EIF2AK1: variants seen among roughly 807,000 people sequenced by gnomAD.
EIF2AK1 encodes eukaryotic translation initiation factor 2 alpha kinase 1.
Under a neutral mutation model 77.9 loss-of-function variants are expected in EIF2AK1, and 54 were observed. The ratio of observed to expected loss-of-function variants is 0.69; its 90% CI spans 0.56 to 0.87. The LOEUF (loss-of-function observed/expected upper bound fraction) is 0.87, where lower values mean the gene tolerates loss of function less well. Among genes scored for constraint, EIF2AK1 ranks in the 40% least tolerant of loss-of-function variants. The pLI is 0.00. For missense variants in EIF2AK1, 810 were observed against 768.6 expected (o/e 1.05, Z -0.64); for synonymous variants, 314 against 290.5 (o/e 1.08, Z -0.82).
intron 2 of EIF2AK1, among the ~76,000 whole-genome samples, chr7:6,050,806 T>C (rs991358822): frequency 2.0e-5 from 3 of 151,910 alleles, no homozygotes; most frequent in Admixed American, 6.6e-5. Context: ...GGTTTCACTG[T>C]GTTAGCCAGG....
chr7:6,034,931 G>C (rs1409361263), intron 11 of EIF2AK1, among the ~76,000 whole-genome samples: 2 of 152,152 alleles, frequency 1.3e-5, no homozygotes, highest in African/African-American at 4.8e-5. Context: ...GGAGAGCAGA[G>C]ACAGAGCCTC....
rs780145663 is a variant in EIF2AK1 at position 6,023,900 on chromosome 7, A to C, written c.*773T>G. On this transcript the variant is annotated 3_prime_UTR_variant, in exon 15 of 15. Transcript: ENST00000199389. ...ATCTACCGTGATGACTGCCAACTCC[A>C]TGGCAGACCCTTTCTGGGATTCAAA... 1 of 1,503,722 alleles carries C rather than the reference A, an allele frequency of 6.7e-7. No homozygotes were observed. The highest frequency in any genetic ancestry group is 2.0e-5 in the Admixed American group (1 of 49,738). The allele number at this position is 1,503,722 out of a possible 1,614,324, so 93.1% of individuals were successfully genotyped here. A position where few individuals can be genotyped will look rare whatever the true frequency, so the allele number is the denominator to read the frequency against.
chr7:6,032,649 G>C lies in EIF2AK1; in HGVS notation c.1333-3617C>G, dbSNP rs1313025542. ...ATTTCTGTGAAACACAGATTTTATA[G>C]GATGGAATTCACTGAATTTTGATCA... On this transcript the variant is annotated intron_variant, in intron 11 of 14. Coordinates refer to ENST00000199389, the MANE Select transcript of EIF2AK1 (RefSeq NM_014413.4). The surrounding 1 kb of genome is among the most constrained non-coding windows in gnomAD (Gnocchi z 4.3). Among the ~76,000 whole-genome samples, 3 of 152,176 alleles carry C rather than the reference G, an allele frequency of 2.0e-5. No individual in the cohort carries two copies. Among genetic ancestry groups the C allele is most frequent in the Admixed American group, 2.0e-4 (3 of 15,270 alleles).
At chr7:6,054,780 T>C (rs1158176491) in intron 1 of EIF2AK1, 76 bp from the exon 2 acceptor site, 1 of 1,339,440 alleles carries the variant, frequency 7.5e-7, no homozygotes, top group African/African-American at 1.5e-5. Context: ...ATATTCTAAT[T>C]AATGAAACAT....
intron 7 of EIF2AK1, among the ~76,000 whole-genome samples, chr7:6,044,152 T>C (rs1005099486): frequency 6.6e-6 from 1 of 151,818 alleles, no homozygotes; most frequent in Non-Finnish European, 1.5e-5. Context: ...AATCTTCTGA[T>C]TTTGTTTAAC....
chr7:6,053,772 A>G, intron 2 of EIF2AK1, among the ~76,000 whole-genome samples: 1 of 150,830 alleles, frequency 6.6e-6, no homozygotes, highest in East Asian at 2.0e-4. Context: ...GGTTCAAGCA[A>G]TTCTCCTACC....
chr7:6,026,919 G>C lies in EIF2AK1; in HGVS notation c.1573C>G (p.Gln525Glu), dbSNP rs1055053406. ...CGCTCCATTTCTGTTCCAAACGGCT[G>C]AAAGAGCTCTAGCAGGACCACACCC... is the stretch of plus-strand genomic sequence containing the variant. ...SLGVVLLELFQPFGTEMERAE... is the reference protein window; with the variant it reads ...SLGVVLLELFEPFGTEMERAE... Residue 525 changes from glutamine (Q) to glutamate (E), a missense_variant, in exon 14 of 15, where the codon CAG (glutamine) becomes GAG (glutamate). This residue lies in a region of EIF2AK1 where 549 missense variants were observed against 533.7 expected (regional missense o/e 1.03). Coordinates refer to ENST00000199389, the MANE Select transcript of EIF2AK1 (RefSeq NM_014413.4). 6.2e-7 allele frequency: 1 copy of C among 1,614,066 alleles called. No individual in the cohort carries two copies.
intron 9 of EIF2AK1, among the ~76,000 whole-genome samples, chr7:6,040,430 G>T (rs1013058224): frequency 6.6e-6 from 1 of 152,072 alleles, no homozygotes; most frequent in African/African-American, 2.4e-5. Context: ...AAGGAGGGTT[G>T]TATCAGTATG....
rs930844129 is a variant in EIF2AK1 at position 6,033,550 on chromosome 7, T to C, written c.1332+3874A>G. 1.6e-4 allele frequency among the ~76,000 whole-genome samples: 24 copies of C among 152,108 alleles called. No individual in the cohort carries two copies. The highest frequency in any genetic ancestry group is 5.8e-4 in the African/African-American group (24 of 41,420). ...AATAAGTTTAACCACCAAAGTTAGG[T>C]GTGAAAAATAAAATATAGGTAGACA... On this transcript the variant is annotated intron_variant, in intron 11 of 14. Coordinates refer to ENST00000199389, the MANE Select transcript of EIF2AK1 (RefSeq NM_014413.4). This position sits in a 1 kb window ranked among gnomAD's most constrained non-coding sequence, Gnocchi z 4.4.
intron 6 of EIF2AK1, among the ~76,000 whole-genome samples, chr7:6,045,802 G>A (rs532530490): frequency 3.4e-4 from 51 of 150,050 alleles, no homozygotes; most frequent in Middle Eastern, 3.5e-3. Flanking sequence ...CTACTTGGGA[G>A]GAAGGAGAAT....
chr7:6,034,668 G>A (rs545536624), intron 11 of EIF2AK1, among the ~76,000 whole-genome samples: 4 of 152,192 alleles, frequency 2.6e-5, no homozygotes, highest in African/African-American at 4.8e-5. Flanking sequence ...AGGGCCTCAC[G>A]CTAAACAAAT....
At chr7:6,028,821 C>T (rs1476187972) in intron 12 of EIF2AK1, 97 bp downstream of exon 12, 6 of 1,401,062 alleles carry the variant, frequency 4.3e-6, no homozygotes, top group Non-Finnish European at 6.0e-6. Flanking sequence ...TTTATCTTAC[C>T]TTTGCTATTA....
chr7:6,037,876 G>C (rs925391400), intron 10 of EIF2AK1, among the ~76,000 whole-genome samples: 2 of 151,404 alleles, frequency 1.3e-5, no homozygotes, highest in African/African-American at 2.4e-5. Flanking sequence ...TTGAACCCTT[G>C]ACATTCTGGG....
rs1227751870 is a variant in EIF2AK1 at position 6,037,453 on chromosome 7, T to A, written c.1303A>T (p.Asn435Tyr). 6.2e-7 allele frequency: 1 copy of A among 1,613,232 alleles called. No individual in the cohort carries two copies. Among genetic ancestry groups the A allele is most frequent in the Non-Finnish European group, 8.5e-7 (1 of 1,179,494 alleles). ...AGATCTCGGTGCACAATTCCCATGT[T>A]ATGTATGTAAAACACACCTTCTACC... ...ELVEGVFYIH[N>Y]MGIVHRDLKP... The change falls in exon 11 of 15, where the codon AAC becomes TAC. Residue 435 changes from asparagine (N) to tyrosine (Y), a missense_variant. Physicochemically the swap from Asn to Tyr is moderately radical, Grantham distance 143 (BLOSUM62 -2). Transcript: ENST00000199389.
At chr7:6,031,445 C>T (rs1050376510) in intron 11 of EIF2AK1, 1 of 1,550,722 alleles carries the variant, frequency 6.4e-7, no homozygotes. Context: ...GGAAGATGGC[C>T]CATCTGCAGC....
At position 6,035,860 on chromosome 7, in the gene EIF2AK1, G is replaced by A; in HGVS notation, c.1332+1564C>T. On this transcript the variant is annotated intron_variant, in intron 11 of 14. Transcript: ENST00000199389. This position sits in a 1 kb window ranked among gnomAD's most constrained non-coding sequence, Gnocchi z 5.5. Reference sequence around the variant, plus strand: ...AACACGCCCCTGAAGCTTGCAGTGTGCACTGCATCAAGCAAAGCAGGCCGA... The same window carrying A: ...AACACGCCCCTGAAGCTTGCAGTGTACACTGCATCAAGCAAAGCAGGCCGA... The A allele has an allele frequency of 2.6e-6, 4 of 1,548,058 alleles. No individual in the cohort carries two copies. Among genetic ancestry groups the A allele is most frequent in the South Asian group, 2.4e-5 (2 of 83,710 alleles).
At position 6,033,367 on chromosome 7, in the gene EIF2AK1, T is replaced by C. The variant is rs1787972745; in HGVS notation, c.1332+4057A>G. Among the ~76,000 whole-genome samples, 1 of 152,202 alleles carries C rather than the reference T, an allele frequency of 6.6e-6. No individual in the cohort carries two copies. The highest frequency in any genetic ancestry group is 6.5e-5 in the Admixed American group (1 of 15,276). On this transcript the variant is annotated intron_variant, in intron 11 of 14. Coordinates refer to ENST00000199389, the MANE Select transcript of EIF2AK1 (RefSeq NM_014413.4). The surrounding 1 kb of genome is among the most constrained non-coding windows in gnomAD (Gnocchi z 4.4). ...TTATGTTTGGACTTGTTCGTTCTTA[T>C]GAATGAACCAATGTCTTTACTGAGT...
rs1788340348 is a variant in EIF2AK1, at chr7:6,042,988, T to C, written c.736A>G (p.Arg246Gly). ...AGAGATGGCAACTCAATGGCAGCTC[T>C]GTCTGCTGAATGAAAACAAACAACA... The part of the protein sequence containing the change: ...HVHVIQPRAD[R>G]AAIELPSLEV... The change falls in exon 8 of 15, where the codon AGA becomes GGA. Residue 246 changes from arginine (R) to glycine (G), a missense_variant. Coordinates refer to ENST00000199389, the MANE Select transcript of EIF2AK1 (RefSeq NM_014413.4). The C allele has an allele frequency of 6.2e-7, 1 of 1,614,156 alleles. No individual in the cohort carries two copies. The highest frequency in any genetic ancestry group is 8.5e-7 in the Non-Finnish European group (1 of 1,179,982).
rs1787682155 is a variant in EIF2AK1 at position 6,024,546 on chromosome 7, G to A, written c.*127C>T. 2 of 1,497,720 alleles carry A rather than the reference G, an allele frequency of 1.3e-6. No homozygotes were observed. The highest frequency in any genetic ancestry group is 1.8e-6 in the Non-Finnish European group (2 of 1,130,722). 92.8% of individuals were successfully genotyped at this position (1,497,720 alleles called of 1,614,324 possible). A position where few individuals can be genotyped will look rare whatever the true frequency, so the allele number is the denominator to read the frequency against. On this transcript the variant is annotated 3_prime_UTR_variant, in exon 15 of 15. Transcript: ENST00000199389. ...GGAAGGGAAGGAACGGCAGCTTGGG[G>A]CACTCTGACATCTTTAACAAGTCTT...
Sources: gnomAD v4.1 joint callset for allele counts (sites outside exome capture counted in the v4.1 genomes callset) on GRCh38, gnomAD v4.1.1 for gene constraint, gnomAD v4.1.1 regional missense constraint, Gnocchi (gnomAD v3.1) non-coding constraint, MANE v1.5 for transcripts, NCBI Gene and HGNC (gene_info 2026-07-23, HGNC 2026-07-21) for gene names.